PLD5: variants seen among roughly 807,000 people sequenced by gnomAD.
PLD5 encodes the protein phospholipase D family member 5, also known as inactive phospholipase D5.
PLD5 carries 36 observed loss-of-function variants against 61.1 expected under a neutral mutation model. That is an observed-to-expected ratio of 0.59 (90% confidence interval 0.45 to 0.78). The LOEUF (loss-of-function observed/expected upper bound fraction) is 0.78, where lower values mean the gene tolerates loss of function less well. Ranked by LOEUF, PLD5 falls within the 30% of genes least tolerant of loss-of-function variation. The pLI, the probability that PLD5 is intolerant of heterozygous loss-of-function variation, is 0.00. For synonymous variants in PLD5, 243 were observed against 242.8 expected (o/e 1.00, Z -0.01); for missense variants, 515 against 644.4 (o/e 0.80, Z 2.17).
intron 5 of PLD5, among the ~76,000 whole-genome samples, chr1:242,161,944 GAAC>G (rs1370636522): frequency 1.3e-5 from 2 of 152,146 alleles, no homozygotes; most frequent in Admixed American, 6.5e-5. Flanking sequence ...GGACATCTCG[GAAC>G]AACAGACACA....
intron 8 of PLD5, among the ~76,000 whole-genome samples, chr1:242,106,559 G>A (rs1661071733): frequency 6.6e-6 from 1 of 152,158 alleles, no homozygotes; most frequent in Admixed American, 6.5e-5. Flanking sequence ...AAGCTATCCA[G>A]GCAGTGGAAT....
intron 5 of PLD5, among the ~76,000 whole-genome samples, chr1:242,217,190 C>T (rs895660569): frequency 6.6e-6 from 1 of 152,168 alleles, no homozygotes; most frequent in Admixed American, 6.5e-5. Flanking sequence ...ATTCTGCAGC[C>T]CAGGGATCAA....
chr1:242,463,026 A>T (rs950585554), intron 1 of PLD5, among the ~76,000 whole-genome samples: 2 of 152,106 alleles, frequency 1.3e-5, no homozygotes, highest in Admixed American at 1.3e-4. Flanking sequence ...CGCTGCCTCC[A>T]CTACTCACTT....
At chr1:242,257,080 C>CTA (rs1267726838) in intron 4 of PLD5, among the ~76,000 whole-genome samples, 1 of 151,156 alleles carries the variant, frequency 6.6e-6, no homozygotes, top group African/African-American at 2.4e-5. Context: ...ATCTATCTAT[C>CTA]TATCATTTAT....
intron 1 of PLD5, among the ~76,000 whole-genome samples, chr1:242,403,050 G>A (rs924775): frequency 0.28 from 42,278 of 152,050 alleles, 6,854 homozygotes; most frequent in African/African-American, 0.46. Context: ...ACCTTTTAGC[G>A]CCAGCCTGAG....
chr1:242,148,502 C>T (rs1202279103), intron 5 of PLD5, among the ~76,000 whole-genome samples: 3 of 151,726 alleles, frequency 2.0e-5, no homozygotes, highest in African/African-American at 2.4e-5. Flanking sequence ...TGTTAGAATC[C>T]ATTTGTCAAT....
At chr1:242,216,476 C>T (rs561952259) in intron 5 of PLD5, among the ~76,000 whole-genome samples, 51 of 152,300 alleles carry the variant, frequency 3.3e-4, no homozygotes, top group Admixed American at 1.6e-3. Context: ...ATCTAAATGG[C>T]TTGTTTACTC....
chr1:242,304,790 A>C (rs1350311449), intron 2 of PLD5, among the ~76,000 whole-genome samples: 1 of 152,258 alleles, frequency 6.6e-6, no homozygotes, highest in Non-Finnish European at 1.5e-5. Context: ...TCTATAAAAC[A>C]AATAACAGTT....
Position 242,409,423 on chromosome 1 carries a change from G to A in PLD5, c.190-61181C>T, listed in dbSNP as rs191120763. On this transcript the variant is annotated intron_variant, in intron 1 of 9. Transcript: ENST00000536534. ...TCACATTCTCATTTATCACATAAGC[G>A]GAAAATTGTCCATGTTGCCTTATTG... is the stretch of plus-strand genomic sequence containing the variant. 4.6e-3 allele frequency among the ~76,000 whole-genome samples: 694 copies of A among 152,004 alleles called. 2 individuals are homozygous for A. Among genetic ancestry groups the A allele is most frequent in the Non-Finnish European group, 7.3e-3 (495 of 67,984 alleles).
At chr1:242,487,081 G>A (rs1405427999) in intron 1 of PLD5, among the ~76,000 whole-genome samples, 1 of 151,396 alleles carries the variant, frequency 6.6e-6, no homozygotes, top group African/African-American at 2.4e-5. Flanking sequence ...GCAGGGGGGA[G>A]GGATAGCATT....
intron 4 of PLD5, among the ~76,000 whole-genome samples, chr1:242,233,506 C>T (rs1288786558): frequency 6.9e-6 from 1 of 145,374 alleles, no homozygotes; most frequent in Non-Finnish European, 1.5e-5. Flanking sequence ...GTCCCCTATT[C>T]AATATTGTTC....
intron 1 of PLD5, among the ~76,000 whole-genome samples, chr1:242,410,231 T>C (rs959629156): frequency 5.9e-5 from 9 of 152,118 alleles, no homozygotes; most frequent in Admixed American, 5.2e-4. Context: ...AGCATGTCCA[T>C]GCATGTGAAC....
intron 2 of PLD5, among the ~76,000 whole-genome samples, chr1:242,339,056 G>A (rs1233188525): frequency 1.3e-5 from 2 of 152,024 alleles, no homozygotes; most frequent in East Asian, 1.9e-4. Context: ...CATATATAAT[G>A]TATAAACTAT....
rs1162859453 is a variant in PLD5 at position 242,096,718 on chromosome 1, A to G, written c.1354+3950T>C. On this transcript the variant is annotated intron_variant, in intron 9 of 9. Transcript: ENST00000536534. Reference sequence around the variant, plus strand: ...TTTTTTAGTCTGCTAAACTGAAAATATTTTACTGTCTGGACTTTTATTTTT... The same window carrying G: ...TTTTTTAGTCTGCTAAACTGAAAATGTTTTACTGTCTGGACTTTTATTTTT... 2.0e-5 allele frequency among the ~76,000 whole-genome samples: 3 copies of G among 147,132 alleles called. No homozygotes were observed. The East Asian group carries it at 5.9e-4, about 29-fold the overall frequency.
intron 1 of PLD5, among the ~76,000 whole-genome samples, chr1:242,432,976 A>C (rs1665799242): frequency 6.6e-6 from 1 of 152,166 alleles, no homozygotes; most frequent in Admixed American, 6.5e-5. Flanking sequence ...CCCATGTCAA[A>C]GTTTCTGTGG....
chr1:242,331,853 A>G (rs886517280), intron 2 of PLD5, among the ~76,000 whole-genome samples: 2 of 152,200 alleles, frequency 1.3e-5, no homozygotes, highest in African/African-American at 4.8e-5. Flanking sequence ...TTCTTAATAG[A>G]TTAAAACTAG....
chr1:242,527,114 C>CTTTTTTTTTTTT (rs530334746), upstream of PLD5, among the ~76,000 whole-genome samples: 199 of 71,956 alleles, frequency 2.8e-3, 25 homozygotes, highest in African/African-American at 3.9e-3. Context: ...CTATCTCCTT[C>CTTTTTTTTTTTT]TTTTTTTTTT....
intron 4 of PLD5, among the ~76,000 whole-genome samples, chr1:242,229,664 TATTTTC>T (rs1558372952): frequency 6.6e-6 from 1 of 152,214 alleles, no homozygotes; most frequent in Non-Finnish European, 1.5e-5. Context: ...TTTTTATTTT[TATTTTC>T]ATTTGTTTGC....
At chr1:242,342,435 T>C (rs1336616679) in intron 2 of PLD5, among the ~76,000 whole-genome samples, 1 of 152,218 alleles carries the variant, frequency 6.6e-6, no homozygotes, top group Non-Finnish European at 1.5e-5. Flanking sequence ...CCTGAGGACA[T>C]GATGTGTGGG....
Sources: allele counts gnomAD v4.1 joint callset (sites outside exome capture counted in the v4.1 genomes callset), GRCh38; gene constraint gnomAD v4.1.1; transcripts MANE v1.5; gene names NCBI Gene and HGNC (gene_info 2026-07-23, HGNC 2026-07-21).